YJEFN3: variants seen among roughly 807,000 people sequenced by gnomAD.
YJEFN3 encodes the protein yjeF N-terminal domain-containing protein 3.
Under a neutral mutation model 31.5 loss-of-function variants are expected in YJEFN3, and 29 were observed. The ratio of observed to expected loss-of-function variants is 0.92; its 90% CI spans 0.69 to 1.26. The LOEUF (loss-of-function observed/expected upper bound fraction) is 1.26, where lower values mean the gene tolerates loss of function less well. Among genes scored for constraint, YJEFN3 ranks in the 50% most tolerant of loss-of-function variants. YJEFN3 has a pLI of 0.00. For synonymous variants in YJEFN3, 227 were observed against 196.1 expected (o/e 1.16, Z -1.32); for missense variants, 442 against 425.4 (o/e 1.04, Z -0.34).
At chr19:19,529,340 A>AC in intron 1 of YJEFN3, 24 bp from the exon 2 acceptor site, 1 of 1,591,560 alleles carries the variant, frequency 6.3e-7, no homozygotes, top group Non-Finnish European at 8.6e-7. Flanking sequence ...ACCGTGGCCC[A>AC]CCCCCACTCT....
intron 3 of YJEFN3, chr19:19,533,028 G>A (rs1395595637): frequency 4.2e-6 from 5 of 1,200,340 alleles, no homozygotes; most frequent in Non-Finnish European, 4.1e-6. Flanking sequence ...GCCTGCTTCT[G>A]CCACCTCCTG....
intron 2 of YJEFN3, among the ~76,000 whole-genome samples, chr19:19,530,502 G>A (rs2061145115): frequency 6.6e-6 from 1 of 151,890 alleles, no homozygotes; most frequent in Non-Finnish European, 1.5e-5. Context: ...CCAAGTGGCT[G>A]CTAGAGGCCA....
At chr19:19,535,738 GC>G in intron 6 of YJEFN3, 59 bp downstream of exon 6, 1 of 1,533,002 alleles carries the variant, frequency 6.5e-7, no homozygotes. Flanking sequence ...AGGCCCCTGT[GC>G]CCCAGCTCCT....
At position 19,530,458 on chromosome 19, in the gene YJEFN3, A is replaced by T. The variant is rs894914095; in HGVS notation, c.209+945A>T. ...ACCCTCTGCCCACAGAGCCCCCATT[A>T]TTCTAATGACCAGTTAGACAGGAAG... On this transcript the variant is annotated intron_variant, in intron 2 of 6. Coordinates refer to ENST00000514277, the MANE Select transcript of YJEFN3 (RefSeq NM_198537.4). Among the ~76,000 whole-genome samples the T allele has an allele frequency of 8.4e-5, 12 of 143,066 alleles. No homozygotes were observed. The Admixed American group carries it at 9.2e-4, about 11-fold the overall frequency. 93.9% of individuals were successfully genotyped at this position (143,066 alleles called of 152,430 possible). A position where few individuals can be genotyped will look rare whatever the true frequency, so the allele number is the denominator to read the frequency against.
At chr19:19,533,406 T>C in intron 3 of YJEFN3, 1 of 986,282 alleles carries the variant, frequency 1.0e-6, no homozygotes, top group Non-Finnish European at 1.2e-6. Context: ...GACTGCCTCC[T>C]CTTCCTCCCC....
Position 19,535,655 on chromosome 19 carries a change from C to A in YJEFN3, c.670C>A (p.Leu224Ile). 6.4e-7 allele frequency: 1 copy of A among 1,570,462 alleles called. No individual in the cohort carries two copies. The highest frequency in any genetic ancestry group is 2.3e-5 in the East Asian group (1 of 42,644). ...LATLKLLSIP[L>I]VSLDIPSGWD... is the part of the protein sequence containing the mutation. Reference sequence around the variant, plus strand: ...CACGCTCAAGCTGCTGTCCATCCCCCTCGTGAGCCTGGACATCCCCTCAGG... The same window carrying A: ...CACGCTCAAGCTGCTGTCCATCCCCATCGTGAGCCTGGACATCCCCTCAGG... The change falls in exon 6 of 7, where the codon CTC becomes ATC. Residue 224 changes from leucine to isoleucine, a missense_variant. Physicochemically the swap from Leu to Ile is conservative, Grantham distance 5. Coordinates refer to ENST00000514277, the MANE Select transcript of YJEFN3 (RefSeq NM_198537.4).
chr19:19,532,807 G>T, intron 3 of YJEFN3, 67 bp downstream of exon 3: 1 of 1,335,182 alleles, frequency 7.5e-7, no homozygotes, highest in East Asian at 2.7e-5. Flanking sequence ...CTGCATGACT[G>T]CTGTGACCAG....
chr19:19,533,922 T>A, intron 3 of YJEFN3: 1 of 985,528 alleles, frequency 1.0e-6, no homozygotes, highest in Non-Finnish European at 1.2e-6. Context: ...GTGGCTGGGA[T>A]CGCAGGCATG....
At chr19:19,532,375 G>A (rs1436555092) in intron 2 of YJEFN3, among the ~76,000 whole-genome samples, 1 of 152,224 alleles carries the variant, frequency 6.6e-6, no homozygotes, top group African/African-American at 2.4e-5. Flanking sequence ...CGCGGCCAGC[G>A]CATCTTCTGC....
Position 19,529,376 on chromosome 19 carries a change from G to A in YJEFN3, c.72G>A (p.Leu24=). 1 of 1,612,660 alleles carries A rather than the reference G, an allele frequency of 6.2e-7. No individual in the cohort carries two copies. The highest frequency in any genetic ancestry group is 1.1e-5 in the South Asian group (1 of 90,872). The change falls in exon 2 of 7, where the codon CTG becomes CTA. Residue 24 remains leucine (L), a synonymous_variant. Coordinates refer to ENST00000514277, the MANE Select transcript of YJEFN3 (RefSeq NM_198537.4). ...CCATCTCTCCCAGGGCCTTGGAGCT[G>A]CAGCCCCCACTTGCCGACATGGGAA... The part of the protein sequence containing the change: ...EERHFLRALE[L]QPPLADMGRA...
chr19:19,535,226 G>A (rs1357796322), intron 4 of YJEFN3, 82 bp downstream of exon 4: 12 of 1,507,426 alleles, frequency 8.0e-6, no homozygotes, highest in African/African-American at 1.4e-5. Flanking sequence ...CTTCCCAGGG[G>A]GACATTGACG....
At chr19:19,537,247 G>A (rs2061218355) in intron 6 of YJEFN3, 72 bp from the exon 7 acceptor site, 7 of 1,385,252 alleles carry the variant, frequency 5.1e-6, no homozygotes, top group Admixed American at 4.5e-5. Context: ...AGGAGGCAGG[G>A]ACAGGATGGA....
In YJEFN3 at chr19:19,535,058, C is replaced by T. The variant is rs765180475; in HGVS notation, c.343C>T (p.Arg115Trp). ...TKAFPLPALS[R>W]KQRTVLVVCG... is the part of the protein sequence containing the mutation. ...GGCGTTCCCGTTGCCCGCTCTCTCC[C>T]GGAAGCAGAGGACGGTGCTGGTCGT... Residue 115 changes from arginine to tryptophan, a missense_variant, in exon 4 of 7, where the codon CGG (arginine) becomes TGG (tryptophan). By Grantham distance (101) the Arg-to-Trp change is moderately radical. Transcript: ENST00000514277. 9.3e-6 allele frequency: 15 copies of T among 1,608,394 alleles called. No homozygotes were observed. Among genetic ancestry groups the T allele is most frequent in the African/African-American group, 5.3e-5 (4 of 74,778 alleles).
rs562850919 is a variant in YJEFN3, at chr19:19,529,310, C to T, written c.60-54C>T. 37 of 1,558,640 alleles carry T rather than the reference C, an allele frequency of 2.4e-5. No individual in the cohort carries two copies. In the African/African-American group the frequency reaches 2.9e-4, roughly 12 times the overall value. ...TGAATGATTCATCAGCAGCGCTGGT[C>T]GCTCCCCCACCGAACCCCAACCGTG... On this transcript the variant is annotated intron_variant, in intron 1 of 6. Coordinates refer to ENST00000514277, the MANE Select transcript of YJEFN3 (RefSeq NM_198537.4).
intron 3 of YJEFN3, chr19:19,533,085 A>G: frequency 9.2e-7 from 1 of 1,082,906 alleles, no homozygotes; most frequent in Non-Finnish European, 1.1e-6. Context: ...GAACACCCCT[A>G]AACAACCCTG....
rs777246541 is a variant in YJEFN3, at chr19:19,537,368, C to T, written c.744C>T (p.Asp248=). The T allele has an allele frequency of 5.6e-6, 9 of 1,596,132 alleles. No individual in the cohort carries two copies. The highest frequency in any genetic ancestry group is 6.8e-6 in the Non-Finnish European group (8 of 1,177,362). The change falls in exon 7 of 7, where the codon GAC becomes GAT. Residue 248 remains aspartate, a synonymous_variant. Coordinates refer to ENST00000514277, the MANE Select transcript of YJEFN3 (RefSeq NM_198537.4). ...GSDSEDGLRP[D]VLVSLAAPKR... is the part of the protein sequence containing the mutation. Reference sequence around the variant, plus strand: ...ATTCGGAGGACGGGCTGCGGCCTGACGTGCTGGTGTCTCTCGCGGCGCCCA... The same window carrying T: ...ATTCGGAGGACGGGCTGCGGCCTGATGTGCTGGTGTCTCTCGCGGCGCCCA...
intron 3 of YJEFN3, 88 bp downstream of exon 3, chr19:19,532,828 C>T (rs2144660983): frequency 2.6e-6 from 3 of 1,171,924 alleles, no homozygotes; most frequent in African/African-American, 3.1e-5. Context: ...GGTGGTTCAC[C>T]CCTCAAGAAC....
intron 3 of YJEFN3, chr19:19,533,482 C>G (rs2061177980): frequency 1.1e-6 from 1 of 910,708 alleles, no homozygotes; most frequent in Non-Finnish European, 1.3e-6. Flanking sequence ...TCTTACCCTC[C>G]TCCTCCTTTC....
rs1188387062 is a variant in YJEFN3 at position 19,534,251 on chromosome 19, GGA to G, written c.319-774_319-773del. 1 of 811,400 alleles carries G rather than the reference GGA, an allele frequency of 1.2e-6. No homozygotes were observed. The highest frequency in any genetic ancestry group is 1.4e-6 in the Non-Finnish European group (1 of 691,456). The allele number at this position is 811,400 out of a possible 1,614,324, so 50.3% of individuals were successfully genotyped here. On this transcript the variant is annotated intron_variant, in intron 3 of 6. Coordinates refer to ENST00000514277, the MANE Select transcript of YJEFN3 (RefSeq NM_198537.4). This position sits in a 1 kb window ranked among gnomAD's most constrained non-coding sequence, Gnocchi z 4.6. ...GATACAGAGACAGCCAGAGACAAAT[GGA>G]GAGAGAGACAAATGGAGAAAGAGAG...
Sources: allele counts gnomAD v4.1 joint callset (sites outside exome capture counted in the v4.1 genomes callset), GRCh38; gene constraint gnomAD v4.1.1; non-coding constraint Gnocchi (gnomAD v3.1); transcripts MANE v1.5; gene names NCBI Gene and HGNC (gene_info 2026-07-23, HGNC 2026-07-21).